Variants in JADE1 observed in about 807,000 individuals in gnomAD.
JADE1 encodes jade family PHD finger 1.
A neutral mutation model predicts 81.8 loss-of-function variants in JADE1; 14 were observed. That is an observed-to-expected ratio of 0.17 (90% confidence interval 0.11 to 0.27). The LOEUF (loss-of-function observed/expected upper bound fraction) is 0.27, where lower values mean the gene tolerates loss of function less well. JADE1 is among the 10% of genes least tolerant of loss of function. JADE1 has a pLI of 1.00. For missense variants in JADE1, 690 were observed against 1,047.9 expected, an observed-to-expected ratio of 0.66 and a Z score of 4.71; for synonymous variants, 353 against 391.9, an observed-to-expected ratio of 0.90 and a Z score of 1.17.
intron 1 of JADE1, among the ~76,000 whole-genome samples, chr4:128,814,245 C>G (rs116030513): frequency 0.023 from 3,496 of 152,154 alleles, 117 homozygotes; most frequent in African/African-American, 0.076. Context: ...GTTGCTTAGC[C>G]TAGGGGGTTG....
In JADE1 at chr4:128,871,517, A is replaced by G. The variant is rs776520791; in HGVS notation, c.1784A>G (p.His595Arg). Reference protein sequence around the residue: ...TSLVHSLKKPHKRDPLQNSPG... With the variant: ...TSLVHSLKKPRKRDPLQNSPG... Reference sequence around the variant, plus strand: ...TTGGTTCATTCGCTGAAAAAGCCCCATAAGCGAGATCCTTTGCAGAATAGC... The same window carrying G: ...TTGGTTCATTCGCTGAAAAAGCCCCGTAAGCGAGATCCTTTGCAGAATAGC... The change falls in exon 11 of 11, where the codon CAT (histidine) becomes CGT (arginine). Residue 595 changes from histidine (H) to arginine (R), a missense_variant. By Grantham distance (29) the His-to-Arg change is conservative (BLOSUM62 0). Around this residue, in one of 8 missense-constraint regions of JADE1, gnomAD observed 86 missense variants for 95.4 expected, o/e 0.90. Transcript: ENST00000226319. This position sits in a 1 kb window ranked among gnomAD's most constrained non-coding sequence, Gnocchi z 4.1. The G allele has an allele frequency of 6.2e-7, 1 of 1,614,184 alleles. No individual in the cohort carries two copies. Among genetic ancestry groups the G allele is most frequent in the African/African-American group, 1.3e-5 (1 of 75,036 alleles).
At chr4:128,832,822 C>T (rs889511406) in intron 2 of JADE1, among the ~76,000 whole-genome samples, 1 of 152,232 alleles carries the variant, frequency 6.6e-6, no homozygotes, top group Non-Finnish European at 1.5e-5. Context: ...AAAAGCTGCA[C>T]ATTAGAAAGC....
intron 1 of JADE1, among the ~76,000 whole-genome samples, chr4:128,821,774 G>A (rs1430026174): frequency 1.3e-5 from 2 of 152,100 alleles, no homozygotes; most frequent in African/African-American, 2.4e-5. Flanking sequence ...GGCCCGCCTC[G>A]GCCTCCCAAA....
At chr4:128,812,291 C>G (rs1215929053) in intron 1 of JADE1, among the ~76,000 whole-genome samples, 1 of 151,620 alleles carries the variant, frequency 6.6e-6, no homozygotes, top group African/African-American at 2.4e-5. Context: ...TTGTTTCTGT[C>G]GCCTCGGGAG....
intron 5 of JADE1, among the ~76,000 whole-genome samples, chr4:128,851,149 G>A (rs1049819291): frequency 6.6e-6 from 1 of 152,174 alleles, no homozygotes; most frequent in East Asian, 1.9e-4. Context: ...CAGGTTGGTC[G>A]TGAACTCCTG....
At chr4:128,859,172 G>T (rs1731060258) in intron 8 of JADE1, among the ~76,000 whole-genome samples, 1 of 151,896 alleles carries the variant, frequency 6.6e-6, no homozygotes. Context: ...ATGAACTTGA[G>T]TGTGTGTGTG....
At chr4:128,848,559 TCA>T (rs1398637856) in intron 4 of JADE1, among the ~76,000 whole-genome samples, 1 of 152,186 alleles carries the variant, frequency 6.6e-6, no homozygotes, top group Non-Finnish European at 1.5e-5. Flanking sequence ...CCTCTGGTTC[TCA>T]GAGTCTGCTG....
In JADE1 at chr4:128,846,577, C is replaced by T. The variant is rs1374822122; in HGVS notation, c.296+45C>T. ...AGAAGCCTCTCCACCCACCCTTGCT[C>T]TTCTTCCCTGACAGCAGGCATCTGA... On this transcript the variant is annotated intron_variant, in intron 4 of 10. Transcript: ENST00000226319. The surrounding 1 kb of genome is among the most constrained non-coding windows in gnomAD (Gnocchi z 4.0). 1.3e-6 allele frequency: 2 copies of T among 1,599,870 alleles called. No homozygotes were observed. Among genetic ancestry groups the T allele is most frequent in the Non-Finnish European group, 1.7e-6 (2 of 1,170,934 alleles).
chr4:128,858,667 A>G (rs1439233324), intron 8 of JADE1, among the ~76,000 whole-genome samples: 3 of 149,716 alleles, frequency 2.0e-5, no homozygotes, highest in African/African-American at 7.4e-5. Flanking sequence ...CAGTGGCATC[A>G]TCTCGGCTCA....
At chr4:128,848,932 T>C (rs767759764) in intron 4 of JADE1, 48 bp from the exon 5 acceptor site, 1 of 1,593,500 alleles carries the variant, frequency 6.3e-7, no homozygotes, top group South Asian at 1.1e-5. Context: ...CACTTCATTG[T>C]CTGTGGCTGA....
At chr4:128,865,414 C>A (rs1199934886) in intron 9 of JADE1, among the ~76,000 whole-genome samples, 1 of 152,108 alleles carries the variant, frequency 6.6e-6, no homozygotes, top group Admixed American at 6.5e-5. Flanking sequence ...GAGAGTGCAC[C>A]TGGAGATGGT....
rs754363332 is a variant in JADE1, at chr4:128,842,294, T to TTTTC, written c.53-647_53-644dup. ...AACTCAGTAAGATGTTTTTCTTTTCTTTTCTTTCTTTCTTTTTTTTTTTTT... is the reference window on the plus strand; with the variant it reads ...AACTCAGTAAGATGTTTTTCTTTTCTTTTCTTTCTTTCTTTCTTTTTTTTTTTTT... On this transcript the variant is annotated intron_variant, in intron 2 of 10. Transcript: ENST00000226319. Among the ~76,000 whole-genome samples the TTTTC allele has an allele frequency of 1.7e-3, 258 of 151,782 alleles. 3 individuals carry two copies. The highest frequency in any genetic ancestry group is 0.013 in the East Asian group (69 of 5,152).
chr4:128,829,815 C>G (rs527841458), intron 1 of JADE1, among the ~76,000 whole-genome samples: 3 of 151,976 alleles, frequency 2.0e-5, no homozygotes, highest in African/African-American at 7.2e-5. Flanking sequence ...TTTTGTAGGC[C>G]TTTTTAGAGT....
In JADE1 at chr4:128,862,581, G is replaced by T. The variant is rs886656737; in HGVS notation, c.1503+356G>T. 6 of 1,107,666 alleles carry T rather than the reference G, an allele frequency of 5.4e-6. No homozygotes were observed. The African/African-American group carries it at 8.1e-5, about 15-fold the overall frequency. The allele number at this position is 1,107,666 out of a possible 1,614,324, so 68.6% of individuals were successfully genotyped here. ...AAAATGACCCAAGGAGTTGACTCAG[G>T]ATGGTTTACAGACTGATTTAGAAAA... On this transcript the variant is annotated intron_variant, in intron 9 of 10. Coordinates refer to ENST00000226319, the MANE Select transcript of JADE1 (RefSeq NM_199320.4).
At chr4:128,848,437 C>G (rs933689431) in intron 4 of JADE1, among the ~76,000 whole-genome samples, 1 of 152,194 alleles carries the variant, frequency 6.6e-6, no homozygotes, top group African/African-American at 2.4e-5. Context: ...CCTCGGCCTC[C>G]CAAAGTGCTG....
At position 128,872,190 on chromosome 4, in the gene JADE1, G is replaced by T. The variant is rs753334086; in HGVS notation, c.2457G>T (p.Lys819Asn). ...MSDSESEASE[K>N]KCIHTSSTIS... ...ACTCAGAGAGTGAGGCATCAGAAAA[G>T]AAATGTATACACACCAGCAGCACTA... is the stretch of plus-strand genomic sequence containing the variant. The change falls in exon 11 of 11, where the codon AAG becomes AAT. Residue 819 changes from lysine (K) to asparagine (N), a missense_variant. Lys to Asn is a moderately conservative substitution (Grantham distance 94, BLOSUM62 0). Transcript: ENST00000226319. 1 of 1,614,170 alleles carries T rather than the reference G, an allele frequency of 6.2e-7. No individual in the cohort carries two copies. Among genetic ancestry groups the T allele is most frequent in the Admixed American group, 1.7e-5 (1 of 60,030 alleles).
chr4:128,869,989 A>AG (rs1272082805), intron 10 of JADE1, among the ~76,000 whole-genome samples: 1 of 151,408 alleles, frequency 6.6e-6, no homozygotes, highest in Non-Finnish European at 1.5e-5. Flanking sequence ...GAGAGTGGGT[A>AG]GGGTCATTTG....
rs766947978 is a variant in JADE1, at chr4:128,871,965, A to G, written c.2232A>G (p.Pro744=). Residue 744 remains proline (P), a synonymous_variant, in exon 11 of 11, where the codon CCA becomes CCG. Transcript: ENST00000226319. This position sits in a 1 kb window ranked among gnomAD's most constrained non-coding sequence, Gnocchi z 4.1. ...AAGTGCCTACAACACCTGCCAGCCC[A>G]GTGAAAAACTGGGGAGGATTCCGGA... ...AVKVPTTPAS[P]VKNWGGFRIP... 1 of 1,614,002 alleles carries G rather than the reference A, an allele frequency of 6.2e-7. No homozygotes were observed. The highest frequency in any genetic ancestry group is 2.2e-5 in the East Asian group (1 of 44,806).
intron 9 of JADE1, chr4:128,862,438 GTTTT>G: frequency 1.8e-6 from 2 of 1,098,554 alleles, no homozygotes; most frequent in East Asian, 3.4e-5. Flanking sequence ...CTTCTTTGTG[GTTTT>G]TTTTTTTTTA....
Sources: gnomAD v4.1 joint callset for allele counts (sites outside exome capture counted in the v4.1 genomes callset) on GRCh38, gnomAD v4.1.1 for gene constraint, gnomAD v4.1.1 regional missense constraint, Gnocchi (gnomAD v3.1) non-coding constraint, MANE v1.5 for transcripts, NCBI Gene and HGNC (gene_info 2026-07-23, HGNC 2026-07-21) for gene names.